Variants in TM9SF3 observed in about 807,000 individuals in gnomAD.
TM9SF3 encodes SM-11044-binding protein.
In TM9SF3, 14 loss-of-function variants were observed where a neutral mutation model predicts 78.6. That is an observed-to-expected ratio of 0.18 (90% CI 0.12 to 0.28). TM9SF3 has a LOEUF of 0.28. Ranked by LOEUF, TM9SF3 falls within the 10% of genes least tolerant of loss-of-function variation. The pLI, the probability that TM9SF3 is intolerant of heterozygous loss-of-function variation, is 1.00. For synonymous variants in TM9SF3, 231 were observed against 241.7 expected, an observed-to-expected ratio of 0.96 and a Z score of 0.41; for missense variants, 496 against 721.9, an observed-to-expected ratio of 0.69 and a Z score of 3.59.
chr10:96,571,933 A>AT (rs1848440294), intron 2 of TM9SF3, among the ~76,000 whole-genome samples: 1 of 152,206 alleles, frequency 6.6e-6, no homozygotes, highest in South Asian at 2.1e-4. Flanking sequence ...AGATCATCTA[A>AT]TGTCCATAAT....
At chr10:96,565,237 A>T in intron 3 of TM9SF3, 67 bp downstream of exon 3, 2 of 1,382,320 alleles carry the variant, frequency 1.4e-6, no homozygotes, top group East Asian at 5.4e-5. Context: ...TCACCTTAAC[A>T]GAGTCATTTT....
Position 96,538,834 on chromosome 10 carries a change from A to G in TM9SF3, c.1185+5242T>C, listed in dbSNP as rs548491590. Among the ~76,000 whole-genome samples the G allele has an allele frequency of 5.3e-5, 8 of 152,368 alleles. No homozygotes were observed. The South Asian group carries it at 1.7e-3, about 32-fold the overall frequency. ...CGAAAGACAGCACTATATACTCACTAGAATAGCTAAAATTAAAAAGACTTA... is the reference window on the plus strand; with the variant it reads ...CGAAAGACAGCACTATATACTCACTGGAATAGCTAAAATTAAAAAGACTTA... On this transcript the variant is annotated intron_variant, in intron 9 of 14. Coordinates refer to ENST00000371142, the MANE Select transcript of TM9SF3 (RefSeq NM_020123.4).
chr10:96,565,397 T>C lies in TM9SF3; in HGVS notation c.328A>G (p.Ile110Val). 5.8e-6 allele frequency: 9 copies of C among 1,556,404 alleles called. No homozygotes were observed. The highest frequency in any genetic ancestry group is 7.8e-6 in the Non-Finnish European group (9 of 1,161,016). ...TCTCTCTTTTCTTTATCTAAATCAA[T>C]TTCACAGTAAGTGGCTGGCATCACA... ...DDVMPATYCEIDLDKEKRDAF... is the reference protein window; with the variant it reads ...DDVMPATYCEVDLDKEKRDAF... Residue 110 changes from isoleucine to valine, a missense_variant, in exon 3 of 15, where the codon ATT becomes GTT. By Grantham distance (29) the Ile-to-Val change is conservative (BLOSUM62 3). This residue lies in a region of TM9SF3 where 155 missense variants were observed against 241.6 expected (regional missense o/e 0.64). Transcript: ENST00000371142.
At position 96,532,311 on chromosome 10, in the gene TM9SF3, A is replaced by C. The variant is rs1847907478; in HGVS notation, c.1325+740T>G. ...AGCACCAATCTAAGGAAAGAAAAGA[A>C]TATGGCCAATTCAAACTATAGGGGC... is the stretch of plus-strand genomic sequence containing the variant. On this transcript the variant is annotated intron_variant, in intron 10 of 14. Transcript: ENST00000371142. 2.6e-5 allele frequency among the ~76,000 whole-genome samples: 4 copies of C among 152,224 alleles called. No homozygotes were observed. The South Asian group carries it at 8.3e-4, about 32-fold the overall frequency.
chr10:96,567,932 GA>G (rs1848397489), intron 2 of TM9SF3, among the ~76,000 whole-genome samples: 1 of 152,208 alleles, frequency 6.6e-6, no homozygotes, highest in Admixed American at 6.5e-5. Flanking sequence ...TGTACAGAAG[GA>G]GAAAATGCCA....
At chr10:96,551,646 C>T (rs1353579989) in intron 6 of TM9SF3, among the ~76,000 whole-genome samples, 3 of 152,146 alleles carry the variant, frequency 2.0e-5, no homozygotes, top group South Asian at 4.1e-4. Flanking sequence ...TCTCAAATAA[C>T]GGAAAAAGAA....
chr10:96,583,840 C>T, intron 1 of TM9SF3, among the ~76,000 whole-genome samples: 1 of 152,104 alleles, frequency 6.6e-6, no homozygotes, highest in Non-Finnish European at 1.5e-5. Flanking sequence ...TCAAGACCAG[C>T]CTGGCCAACA....
At chr10:96,571,907 TAAG>T (rs1848440152) in intron 2 of TM9SF3, among the ~76,000 whole-genome samples, 1 of 152,200 alleles carries the variant, frequency 6.6e-6, no homozygotes, top group African/African-American at 2.4e-5. Flanking sequence ...CTCTTCTGGT[TAAG>T]AATTACTATT....
At chr10:96,531,811 G>C (rs1168887636) in intron 10 of TM9SF3, among the ~76,000 whole-genome samples, 1 of 152,044 alleles carries the variant, frequency 6.6e-6, no homozygotes, top group Non-Finnish European at 1.5e-5. Context: ...TGACTTAGAG[G>C]AACTTTTGTG....
chr10:96,559,523 C>T, intron 5 of TM9SF3, 136 bp downstream of exon 5: 1 of 540,668 alleles, frequency 1.8e-6, no homozygotes, highest in Non-Finnish European at 3.0e-6. Flanking sequence ...ATTTCAAGCT[C>T]ATACTTTAAA....
chr10:96,576,000 T>C (rs1020694461), intron 2 of TM9SF3, among the ~76,000 whole-genome samples: 1 of 152,174 alleles, frequency 6.6e-6, no homozygotes, highest in African/African-American at 2.4e-5. Flanking sequence ...ATTTAACAAG[T>C]CTTTGACTTA....
intron 5 of TM9SF3, among the ~76,000 whole-genome samples, chr10:96,558,587 A>C (rs970943945): frequency 6.6e-6 from 1 of 151,712 alleles, no homozygotes; most frequent in Non-Finnish European, 1.5e-5. Context: ...CGGAGGTTGC[A>C]GTGAGCCAAG....
chr10:96,568,112 T>C (rs1427324514), intron 2 of TM9SF3, among the ~76,000 whole-genome samples: 1 of 152,248 alleles, frequency 6.6e-6, no homozygotes, highest in East Asian at 1.9e-4. Context: ...CATATCTTAA[T>C]GAAATTCATC....
chr10:96,543,990 T>C (rs1228414757), intron 9 of TM9SF3, 86 bp downstream of exon 9: 1 of 1,370,632 alleles, frequency 7.3e-7, no homozygotes, highest in African/African-American at 1.5e-5. Context: ...TCAAAACATC[T>C]AATAAGAAGT....
intron 9 of TM9SF3, among the ~76,000 whole-genome samples, chr10:96,541,745 G>A (rs10882815): frequency 0.2 from 31,096 of 152,122 alleles, 3,535 homozygotes; most frequent in Admixed American, 0.3. Context: ...GGCCTCAATA[G>A]CCAAGAGATC....
At chr10:96,557,066 GGT>G (rs1848242607) in intron 5 of TM9SF3, among the ~76,000 whole-genome samples, 1 of 151,990 alleles carries the variant, frequency 6.6e-6, no homozygotes, top group African/African-American at 2.4e-5. Flanking sequence ...CTTAGTCCTT[GGT>G]CCTCTTCTCT....
intron 9 of TM9SF3, among the ~76,000 whole-genome samples, chr10:96,540,179 G>C (rs974773269): frequency 2.6e-5 from 4 of 151,970 alleles, no homozygotes; most frequent in African/African-American, 7.3e-5. Context: ...CTTTTCAATT[G>C]AATCAGCAGA....
intron 9 of TM9SF3, among the ~76,000 whole-genome samples, chr10:96,540,969 G>T (rs1848022850): frequency 6.6e-6 from 1 of 151,416 alleles, no homozygotes; most frequent in Non-Finnish European, 1.5e-5. Flanking sequence ...GTAGAGACGG[G>T]GTTTCACCAC....
chr10:96,543,018 G>A (rs1848052408), intron 9 of TM9SF3, among the ~76,000 whole-genome samples: 1 of 152,162 alleles, frequency 6.6e-6, no homozygotes, highest in Non-Finnish European at 1.5e-5. Context: ...ACCATTAACT[G>A]CCTGTACGAT....
Sources: gnomAD v4.1 joint callset for allele counts (sites outside exome capture counted in the v4.1 genomes callset) on GRCh38, gnomAD v4.1.1 for gene constraint, gnomAD v4.1.1 regional missense constraint, MANE v1.5 for transcripts, NCBI Gene and HGNC (gene_info 2026-07-23, HGNC 2026-07-21) for gene names.